The following YAP1 variants were observed in gnomAD, a reference collection of about 807,000 sequenced individuals.
YAP1 encodes Yes1 associated transcriptional regulator.
YAP1 carries 5 observed loss-of-function variants against 56.9 expected under a neutral mutation model. The ratio of observed to expected loss-of-function variants is 0.09; its 90% CI spans 0.05 to 0.18. The LOEUF (loss-of-function observed/expected upper bound fraction) is 0.18, where lower values mean the gene tolerates loss of function less well. Among genes scored for constraint, YAP1 ranks in the 10% least tolerant of loss-of-function variants. The pLI is 1.00. For missense variants in YAP1, 539 were observed against 651.8 expected (o/e 0.83, Z 1.88); for synonymous variants, 265 against 248.1 (o/e 1.07, Z -0.64).
intron 2 of YAP1, among the ~76,000 whole-genome samples, chr11:102,141,681 A>G (rs1246243750): frequency 1.3e-5 from 2 of 152,228 alleles, no homozygotes. Context: ...TCATGGTTTT[A>G]TAACAACATG....
In YAP1 at chr11:102,202,624, ATACT is replaced by A. The variant is rs527426081; in HGVS notation, c.803-3266_803-3263del. Among the ~76,000 whole-genome samples the A allele has an allele frequency of 1.4e-3, 207 of 152,254 alleles. 1 individual carries two copies. The highest frequency in any genetic ancestry group is 3.7e-3 in the Admixed American group (56 of 15,296). On this transcript the variant is annotated intron_variant, in intron 4 of 8. Coordinates refer to ENST00000282441, the MANE Select transcript of YAP1 (RefSeq NM_001130145.3). ...ACAAATTATGTTTCAGAGTAACCAA[ATACT>A]TAATATGGGAAAATTCTTATTTATA...
chr11:102,214,592 C>T (rs1343292902), intron 6 of YAP1, among the ~76,000 whole-genome samples: 5 of 152,096 alleles, frequency 3.3e-5, no homozygotes, highest in Admixed American at 6.5e-5. Context: ...ACTTGTCTAA[C>T]GTTATCTTTC....
intron 6 of YAP1, among the ~76,000 whole-genome samples, chr11:102,210,904 C>T (rs1949374461): frequency 1.3e-5 from 2 of 152,100 alleles, no homozygotes; most frequent in Admixed American, 1.3e-4. Context: ...AGGCGCCCGC[C>T]ACCATGCCCA....
At chr11:102,175,228 C>T (rs1303341100) in intron 3 of YAP1, among the ~76,000 whole-genome samples, 5 of 151,972 alleles carry the variant, frequency 3.3e-5, no homozygotes, top group Non-Finnish European at 7.4e-5. Context: ...GGTGAAACCC[C>T]GTCTCTACTA....
intron 2 of YAP1, among the ~76,000 whole-genome samples, chr11:102,146,631 T>C (rs1391244788): frequency 6.6e-6 from 1 of 152,254 alleles, no homozygotes; most frequent in Non-Finnish European, 1.5e-5. Context: ...AGCATTACTT[T>C]ACTCATTTTT....
At chr11:102,123,688 G>A (rs1221642091) in intron 2 of YAP1, among the ~76,000 whole-genome samples, 1 of 140,910 alleles carries the variant, frequency 7.1e-6, no homozygotes, top group African/African-American at 2.6e-5. Context: ...CACCCAGGTT[G>A]GAGTGCAGTG....
At chr11:102,175,219 G>A (rs531197904) in intron 3 of YAP1, among the ~76,000 whole-genome samples, 24 of 152,206 alleles carry the variant, frequency 1.6e-4, no homozygotes, top group Non-Finnish European at 3.4e-4. Context: ...GACCAACATG[G>A]TGAAACCCCG....
intron 2 of YAP1, among the ~76,000 whole-genome samples, chr11:102,149,808 G>T (rs1230446685): frequency 6.6e-6 from 1 of 151,974 alleles, no homozygotes; most frequent in East Asian, 1.9e-4. Context: ...TTGGAGACTG[G>T]ATCTCCCTTA....
chr11:102,223,269 A>G (rs1470061082), intron 6 of YAP1, among the ~76,000 whole-genome samples: 1 of 151,482 alleles, frequency 6.6e-6, no homozygotes, highest in Non-Finnish European at 1.5e-5. Context: ...AAAAAAAAAA[A>G]AAAGAAGAAT....
chr11:102,134,164 A>G (rs1044335159), intron 2 of YAP1, among the ~76,000 whole-genome samples: 5 of 152,174 alleles, frequency 3.3e-5, no homozygotes, highest in African/African-American at 1.2e-4. Context: ...AAGAGTTTGC[A>G]TTATGGACGT....
chr11:102,173,565 G>T (rs1464922273), intron 3 of YAP1, among the ~76,000 whole-genome samples: 1 of 152,120 alleles, frequency 6.6e-6, no homozygotes, highest in African/African-American at 2.4e-5. Flanking sequence ...CACCTACTGG[G>T]AGCCATGACC....
At chr11:102,148,410 A>G (rs1945442863) in intron 2 of YAP1, among the ~76,000 whole-genome samples, 1 of 152,126 alleles carries the variant, frequency 6.6e-6, no homozygotes, top group South Asian at 2.1e-4. Context: ...GTTGTGTGAT[A>G]GACAAGAACT....
At chr11:102,194,040 C>T (rs376763961) in intron 4 of YAP1, among the ~76,000 whole-genome samples, 2 of 152,066 alleles carry the variant, frequency 1.3e-5, no homozygotes, top group African/African-American at 2.4e-5. Flanking sequence ...CTCCTGAACT[C>T]GTGATCCGCC....
At chr11:102,124,478 A>T (rs1023620075) in intron 2 of YAP1, among the ~76,000 whole-genome samples, 2 of 152,200 alleles carry the variant, frequency 1.3e-5, no homozygotes, top group Non-Finnish European at 2.9e-5. Flanking sequence ...GTTGCCCTAA[A>T]GTACAATTTC....
intron 2 of YAP1, among the ~76,000 whole-genome samples, chr11:102,115,592 T>C (rs1472271059): frequency 7.8e-6 from 1 of 128,490 alleles, no homozygotes; most frequent in Non-Finnish European, 1.8e-5. Flanking sequence ...TTTTCTTTTC[T>C]TTTCTTCTTT....
intron 2 of YAP1, among the ~76,000 whole-genome samples, chr11:102,135,791 T>A (rs983666991): frequency 2.0e-5 from 3 of 152,250 alleles, no homozygotes; most frequent in African/African-American, 4.8e-5. Flanking sequence ...TTCTAATTTT[T>A]AAAATTTTAT....
intron 3 of YAP1, among the ~76,000 whole-genome samples, chr11:102,173,547 C>T (rs1947048669): frequency 6.6e-6 from 1 of 152,154 alleles, no homozygotes; most frequent in African/African-American, 2.4e-5. Flanking sequence ...AGGGAACTGA[C>T]ATTTAAGCAC....
intron 3 of YAP1, among the ~76,000 whole-genome samples, chr11:102,178,040 C>A (rs1029424946): frequency 1.3e-5 from 2 of 152,172 alleles, no homozygotes. Flanking sequence ...GACAAGCTAA[C>A]TTTTCTTTGC....
At chr11:102,223,141 G>A (rs1209766749) in intron 6 of YAP1, among the ~76,000 whole-genome samples, 4 of 151,532 alleles carry the variant, frequency 2.6e-5, no homozygotes, top group Admixed American at 6.6e-5. Flanking sequence ...CCAGCTACTC[G>A]GGAGGCTGAG....
Sources: allele counts gnomAD v4.1 joint callset (sites outside exome capture counted in the v4.1 genomes callset), GRCh38; gene constraint gnomAD v4.1.1; transcripts MANE v1.5; gene names NCBI Gene and HGNC (gene_info 2026-07-23, HGNC 2026-07-21).